Variants in CYLC1 observed in about 807,000 individuals in gnomAD.
CYLC1 encodes the protein cylicin-1.
In CYLC1, 2 loss-of-function variants were observed where a neutral mutation model predicts 31.6. The ratio of observed to expected loss-of-function variants is 0.06; its 90% confidence interval spans 0.03 to 0.20. The LOEUF is 0.20. CYLC1 is among the 10% of genes least tolerant of loss of function. The pLI is 1.00. For missense variants in CYLC1, 595 were observed against 424.1 expected, an observed-to-expected ratio of 1.40 and a Z score of -3.54; for synonymous variants, 185 against 153.0, an observed-to-expected ratio of 1.21 and a Z score of -1.54.
At chrX:83,884,388 C>T (rs1399807869) in intron 4 of CYLC1, among the ~76,000 whole-genome samples, 1 of 111,450 alleles carries the variant, frequency 9.0e-6, no homozygotes, top group African/African-American at 3.3e-5. Context: ...TGTTTGTTTA[C>T]TCTGCTAACT....
rs777497473 is a variant in CYLC1, at chrX:83,871,664, C to T, written c.177+94C>T. The T allele has an allele frequency of 5.7e-4, 468 of 818,870 alleles. 1 individual carries two copies. The highest frequency in any genetic ancestry group is 6.1e-4 in the Admixed American group (17 of 28,037). 67.5% of individuals were successfully genotyped at this position (818,870 alleles called of 1,213,427 possible). On this transcript the variant is annotated intron_variant, in intron 3 of 4. Transcript: ENST00000329312. The stretch of plus-strand genomic sequence containing the variant: ...GGCCTATATAACTTGAATTTTACTA[C>T]CTGTTGGAAGATATTTTTAAATTTG...
chrX:83,871,757 A>T (rs1214556236), intron 3 of CYLC1, among the ~76,000 whole-genome samples, 187 bp downstream of exon 3: 1 of 110,646 alleles, frequency 9.0e-6, no homozygotes, highest in East Asian at 2.8e-4. Context: ...ATAATTATCC[A>T]CATCAAAGAC....
intron 4 of CYLC1, among the ~76,000 whole-genome samples, chrX:83,883,658 G>A (rs1330414351): frequency 9.0e-6 from 1 of 111,590 alleles, no homozygotes; most frequent in East Asian, 2.8e-4. Flanking sequence ...TATTATTATG[G>A]TTGTGCATTG....
Position 83,873,402 on chromosome X carries a change from G to T in CYLC1, c.694G>T (p.Asp232Tyr). 1 of 1,205,208 alleles carries T rather than the reference G, an allele frequency of 8.3e-7. No individual in the cohort carries two copies. Residue 232 changes from aspartate to tyrosine, a missense_variant, in exon 4 of 5, where the codon GAT (aspartate) becomes TAT (tyrosine). By Grantham distance (160) the Asp-to-Tyr change is radical. Coordinates refer to ENST00000329312, the MANE Select transcript of CYLC1 (RefSeq NM_021118.3). ...TTTGAAGAGGTCAAAGACTAGTAAT[G>T]ATCCCATATCAGAGATTTGCTCAGA... ...KDLKRSKTSN[D>Y]PISEICSENS...
chrX:83,873,281 C>A lies in CYLC1; in HGVS notation c.573C>A (p.Val191=). Residue 191 remains valine (V), a synonymous_variant, in exon 4 of 5, where the codon GTC becomes GTA. Transcript: ENST00000329312. ...TNPESQNSKT[V]SKNCSQKDKK... Reference sequence around the variant, plus strand: ...CAGAATCCCAAAATTCTAAGACAGTCTCAAAAAATTGTTCACAAAAAGATA... The same window carrying A: ...CAGAATCCCAAAATTCTAAGACAGTATCAAAAAATTGTTCACAAAAAGATA... 1 of 1,201,624 alleles carries A rather than the reference C, an allele frequency of 8.3e-7. No homozygotes were observed. The highest frequency in any genetic ancestry group is 1.1e-6 in the Non-Finnish European group (1 of 891,036).
chrX:83,881,050 A>G (rs1427335208), intron 4 of CYLC1, among the ~76,000 whole-genome samples: 1 of 111,462 alleles, frequency 9.0e-6, no homozygotes, highest in African/African-American at 3.3e-5. Context: ...AGGAGTCAAA[A>G]GAAGACAGAC....
At chrX:83,883,069 C>T (rs185147966) in intron 4 of CYLC1, among the ~76,000 whole-genome samples, 1 of 111,107 alleles carries the variant, frequency 9.0e-6, no homozygotes, top group Admixed American at 9.6e-5. Flanking sequence ...GACTTTATTA[C>T]TACTATTACT....
intron 4 of CYLC1, among the ~76,000 whole-genome samples, chrX:83,877,319 G>A (rs753100330): frequency 3.6e-4 from 40 of 110,930 alleles, no homozygotes; most frequent in African/African-American, 1.3e-3. Flanking sequence ...TCATTATGTT[G>A]CCCAGGCTGG....
Position 83,874,501 on chromosome X carries a change from G to A in CYLC1, c.1793G>A (p.Gly598Asp), listed in dbSNP as rs1289804814. ...GAAAAAGGGGAAAAAGCAAGTACAG[G>A]TAGAGTTCCTCCATCAAGAGAAAAA... ...FNEKGEKAST[G>D]RVPPSREKPP... The change falls in exon 4 of 5, where the codon GGT (glycine) becomes GAT (aspartate). Residue 598 changes from glycine (G) to aspartate (D), a missense_variant. Physicochemically the swap from Gly to Asp is moderately conservative, Grantham distance 94. Coordinates refer to ENST00000329312, the MANE Select transcript of CYLC1 (RefSeq NM_021118.3). The A allele has an allele frequency of 3.3e-6, 4 of 1,207,727 alleles. No homozygotes were observed. In the South Asian group the frequency reaches 5.3e-5, roughly 16 times the overall value.
At chrX:83,877,319 G>C (rs753100330) in intron 4 of CYLC1, among the ~76,000 whole-genome samples, 6 of 110,878 alleles carry the variant, frequency 5.4e-5, no homozygotes, top group African/African-American at 1.6e-4. Flanking sequence ...TCATTATGTT[G>C]CCCAGGCTGG....
At chrX:83,871,596 A>G in intron 3 of CYLC1, 26 bp downstream of exon 3, 1 of 1,156,850 alleles carries the variant, frequency 8.6e-7, no homozygotes, top group Non-Finnish European at 1.2e-6. Flanking sequence ...GTCATTTTTA[A>G]AAACGAAATC....
At chrX:83,869,369 C>T (rs912730682) in intron 1 of CYLC1, among the ~76,000 whole-genome samples, 1 of 110,122 alleles carries the variant, frequency 9.1e-6, no homozygotes, top group African/African-American at 3.3e-5. Flanking sequence ...CTTCCTCCCA[C>T]CCTCCACCCT....
intron 1 of CYLC1, among the ~76,000 whole-genome samples, chrX:83,861,549 T>G (rs1320559254): frequency 8.9e-6 from 1 of 111,863 alleles, no homozygotes; most frequent in East Asian, 2.8e-4. Flanking sequence ...AGTAAGACTT[T>G]GTATGCTAGT....
At chrX:83,869,840 T>C in intron 1 of CYLC1, 25 bp from the exon 2 acceptor site, 1 of 753,062 alleles carries the variant, frequency 1.3e-6, no homozygotes, top group Non-Finnish European at 1.8e-6. Context: ...ACAAATTTAA[T>C]TAAAGCATTT....
Position 83,873,153 on chromosome X carries a change from G to C in CYLC1, c.445G>C (p.Glu149Gln). The change falls in exon 4 of 5, where the codon GAA becomes CAA. Residue 149 changes from glutamate to glutamine, a missense_variant. Coordinates refer to ENST00000329312, the MANE Select transcript of CYLC1 (RefSeq NM_021118.3). Reference protein sequence around the residue: ...ATNPESKQIVEEKTKRQNEAD... With the variant: ...ATNPESKQIVQEKTKRQNEAD... ...AAATCCAGAATCCAAGCAAATAGTA[G>C]AAGAGAAAACTAAAAGACAAAATGA... 1 of 1,202,389 alleles carries C rather than the reference G, an allele frequency of 8.3e-7. No individual in the cohort carries two copies. The highest frequency in any genetic ancestry group is 1.8e-5 in the South Asian group (1 of 55,286).
At chrX:83,878,840 A>C (rs1366081698) in intron 4 of CYLC1, among the ~76,000 whole-genome samples, 7 of 104,799 alleles carry the variant, frequency 6.7e-5, no homozygotes, top group Admixed American at 5.4e-4. Flanking sequence ...AATCTTATGG[A>C]GTTTTCTCCT....
At chrX:83,871,324 G>A (rs1028081317) in intron 2 of CYLC1, 128 bp from the exon 3 acceptor site, 3 of 389,868 alleles carry the variant, frequency 7.7e-6, no homozygotes, top group Non-Finnish European at 1.3e-5. Context: ...GGAACTCTGA[G>A]GAAAAAATCT....
chrX:83,876,400 C>G (rs2031759641), intron 4 of CYLC1, among the ~76,000 whole-genome samples: 1 of 110,851 alleles, frequency 9.0e-6, no homozygotes, highest in African/African-American at 3.3e-5. Flanking sequence ...TCTCAAATAG[C>G]TAGACTCTTT....
At position 83,886,604 on chromosome X, in the gene CYLC1, T is replaced by A. The variant is rs772312536; in HGVS notation, c.*20T>A. 1 of 1,185,771 alleles carries A rather than the reference T, an allele frequency of 8.4e-7. No homozygotes were observed. Among genetic ancestry groups the A allele is most frequent in the Non-Finnish European group, 1.1e-6 (1 of 873,884 alleles). Reference sequence around the variant, plus strand: ...CTTTAAAGAACAACTGAGCACTTGGTTTCACAGAATGGCCTTACCACAGTA... The same window carrying A: ...CTTTAAAGAACAACTGAGCACTTGGATTCACAGAATGGCCTTACCACAGTA... On this transcript the variant is annotated 3_prime_UTR_variant, in exon 5 of 5. Coordinates refer to ENST00000329312, the MANE Select transcript of CYLC1 (RefSeq NM_021118.3).
Sources: gnomAD v4.1 joint callset for allele counts (sites outside exome capture counted in the v4.1 genomes callset) on GRCh38, gnomAD v4.1.1 for gene constraint, MANE v1.5 for transcripts, NCBI Gene and HGNC (gene_info 2026-07-23, HGNC 2026-07-21) for gene names.